The following AGFG1 variants were observed in gnomAD, a reference collection of about 807,000 sequenced individuals.
The protein encoded by AGFG1 is ArfGAP with FG repeats 1, also known as arf-GAP domain and FG repeat-containing protein 1.
A neutral mutation model predicts 60.6 loss-of-function variants in AGFG1; 10 were observed. The observed-to-expected ratio is 0.16, with a 90% confidence interval of 0.10 to 0.28. AGFG1 has a LOEUF of 0.28. Among genes scored for constraint, AGFG1 ranks in the 10% least tolerant of loss-of-function variants. The probability of loss-of-function intolerance (pLI) is 1.00; values close to 1 mark genes in which losing one functional copy is unlikely to be tolerated. For missense variants in AGFG1, 537 were observed against 676.5 expected (o/e 0.79, Z 2.29); for synonymous variants, 247 against 242.9 (o/e 1.02, Z -0.16).
chr2:227,481,850 A>T (rs1045172207), intron 1 of AGFG1, among the ~76,000 whole-genome samples: 4 of 134,590 alleles, frequency 3.0e-5, no homozygotes, highest in African/African-American at 5.5e-5. Flanking sequence ...AGAGATTTAG[A>T]TTTTGTCCAC....
At chr2:227,540,134 A>T (rs1425372898) in intron 10 of AGFG1, among the ~76,000 whole-genome samples, 2 of 151,658 alleles carry the variant, frequency 1.3e-5, no homozygotes, top group Non-Finnish European at 2.9e-5. Flanking sequence ...CTGCACTTGG[A>T]TCATTCTTAA....
chr2:227,512,735 A>C (rs972983286), intron 2 of AGFG1, among the ~76,000 whole-genome samples: 5 of 152,136 alleles, frequency 3.3e-5, no homozygotes, highest in Admixed American at 6.5e-5. Flanking sequence ...TTGTTCATCA[A>C]ATTTTCAGTT....
chr2:227,561,001 G>A lies in AGFG1; in HGVS notation c.*6506G>A, dbSNP rs760149659. 4 of 152,150 alleles carry A rather than the reference G, an allele frequency of 2.6e-5. No homozygotes were observed. Among genetic ancestry groups the A allele is most frequent in the Non-Finnish European group, 5.9e-5 (4 of 67,996 alleles). The allele number at this position is 152,150 out of a possible 1,614,324, so 9.4% of individuals were successfully genotyped here. On this transcript the variant is annotated 3_prime_UTR_variant, in exon 13 of 13. Coordinates refer to ENST00000310078, the MANE Select transcript of AGFG1 (RefSeq NM_004504.5). ...GAATAACAGGACCTTCTAGTCAGCA[G>A]GGCATGTTTGGAAAATGTTAATACG...
intron 12 of AGFG1, 66 bp from the exon 13 acceptor site, chr2:227,554,370 T>C: frequency 7.7e-7 from 1 of 1,303,798 alleles, no homozygotes; most frequent in African/African-American, 1.5e-5. Context: ...TTCAGTTTAA[T>C]GTTTTTATAT....
chr2:227,490,178 A>C (rs6716936), intron 1 of AGFG1, among the ~76,000 whole-genome samples: 6,803 of 152,226 alleles, frequency 0.045, 232 homozygotes, highest in Middle Eastern at 0.11. Context: ...ATGTTCCCAA[A>C]ATATTTTTTA....
At chr2:227,476,272 A>G (rs1307707532) in intron 1 of AGFG1, among the ~76,000 whole-genome samples, 2 of 152,216 alleles carry the variant, frequency 1.3e-5, no homozygotes, top group Non-Finnish European at 2.9e-5. Flanking sequence ...GAAATCCCTA[A>G]AATTCTGAAT....
intron 7 of AGFG1, among the ~76,000 whole-genome samples, chr2:227,534,507 T>C (rs1692252193): frequency 6.6e-6 from 1 of 152,212 alleles, no homozygotes. Context: ...GGTCTAGCAT[T>C]ATATGAATTT....
chr2:227,520,557 T>C (rs950018335), intron 3 of AGFG1, among the ~76,000 whole-genome samples: 1 of 152,232 alleles, frequency 6.6e-6, no homozygotes, highest in Non-Finnish European at 1.5e-5. Context: ...CAGTTTACTT[T>C]CTGGTTAAGA....
intron 2 of AGFG1, among the ~76,000 whole-genome samples, chr2:227,507,854 AATTT>A (rs1691373041): frequency 6.6e-6 from 1 of 151,968 alleles, no homozygotes. Flanking sequence ...AATTACTATG[AATTT>A]ATTTATTTGA....
chr2:227,476,090 A>G (rs920647656), intron 1 of AGFG1, among the ~76,000 whole-genome samples: 5 of 152,074 alleles, frequency 3.3e-5, no homozygotes, highest in African/African-American at 7.2e-5. Context: ...TGACTGTCCT[A>G]TATGCTTGAA....
intron 7 of AGFG1, among the ~76,000 whole-genome samples, chr2:227,534,318 G>A (rs1043290158): frequency 6.6e-6 from 1 of 151,992 alleles, no homozygotes. Context: ...TCCAAAATGA[G>A]GATAATTCTA....
chr2:227,553,947 T>C (rs979518366), intron 12 of AGFG1, 152 bp downstream of exon 12: 5 of 582,764 alleles, frequency 8.6e-6, no homozygotes, highest in East Asian at 2.9e-5. Context: ...AGAGCCATTA[T>C]GTGTGATCCT....
intron 10 of AGFG1, among the ~76,000 whole-genome samples, chr2:227,548,122 A>G (rs1692709033): frequency 6.6e-6 from 1 of 152,222 alleles, no homozygotes; most frequent in African/African-American, 2.4e-5. Context: ...TTTGTATGAA[A>G]TGTCCAGAAT....
chr2:227,527,710 G>T (rs1398115944), intron 5 of AGFG1, among the ~76,000 whole-genome samples: 1 of 152,040 alleles, frequency 6.6e-6, no homozygotes, highest in Admixed American at 6.5e-5. Context: ...ATTAATTTAG[G>T]AATTTAGTCA....
At chr2:227,514,777 G>A (rs556300850) in intron 2 of AGFG1, among the ~76,000 whole-genome samples, 67 of 152,194 alleles carry the variant, frequency 4.4e-4, no homozygotes, top group African/African-American at 1.6e-3. Flanking sequence ...CAATTCCATT[G>A]TTGCATATAA....
At chr2:227,514,774 A>G (rs1394889501) in intron 2 of AGFG1, among the ~76,000 whole-genome samples, 1 of 152,186 alleles carries the variant, frequency 6.6e-6, no homozygotes, top group Non-Finnish European at 1.5e-5. Flanking sequence ...AACCAATTCC[A>G]TTGTTGCATA....
rs1341582777 is a variant in AGFG1, at chr2:227,557,011, CAGCTTTCGTTAG to C, written c.*2518_*2529del. 2 of 151,970 alleles carry C rather than the reference CAGCTTTCGTTAG, an allele frequency of 1.3e-5. No homozygotes were observed. Among genetic ancestry groups the C allele is most frequent in the Non-Finnish European group, 2.9e-5 (2 of 67,962 alleles). 9.4% of individuals were successfully genotyped at this position (151,970 alleles called of 1,614,324 possible). A position where few individuals can be genotyped will look rare whatever the true frequency, so the allele number is the denominator to read the frequency against. ...TTCACTGTTTATTATTAAAGAAAAT[CAGCTTTCGTTAG>C]ACTTTTACATTTAGATTTATTCTAG... On this transcript the variant is annotated 3_prime_UTR_variant, in exon 13 of 13. Transcript: ENST00000310078.
At chr2:227,523,230 A>G (rs796458026) in intron 3 of AGFG1, among the ~76,000 whole-genome samples, 6 of 152,302 alleles carry the variant, frequency 3.9e-5, no homozygotes, top group African/African-American at 1.4e-4. Context: ...TCAGGTTAAA[A>G]GTGTTTTCAT....
At chr2:227,532,080 A>G (rs1173064309) in intron 6 of AGFG1, 11 of 1,381,414 alleles carry the variant, frequency 8.0e-6, no homozygotes, top group Non-Finnish European at 1.1e-5. Context: ...TTTTCTTTCA[A>G]TTTTCTTTTT....
Sources: allele counts gnomAD v4.1 joint callset (sites outside exome capture counted in the v4.1 genomes callset), GRCh38; gene constraint gnomAD v4.1.1; transcripts MANE v1.5; gene names NCBI Gene and HGNC (gene_info 2026-07-23, HGNC 2026-07-21).